NBN: variants seen among roughly 807,000 people sequenced by gnomAD.
NBN encodes the protein nibrin, also known as Nijmegen breakage syndrome 1 (nibrin).
In NBN, 88 loss-of-function variants were observed where a neutral mutation model predicts 90.8. That is an observed-to-expected ratio of 0.97 (90% CI 0.82 to 1.16). The LOEUF (loss-of-function observed/expected upper bound fraction) is 1.16. Among genes scored for constraint, NBN ranks in the 50% most tolerant of loss-of-function variants. NBN has a pLI of 0.00. For synonymous variants in NBN, 328 were observed against 295.1 expected (o/e 1.11, Z -1.14); for missense variants, 894 against 869.6 (o/e 1.03, Z -0.35).
intron 11 of NBN, among the ~76,000 whole-genome samples, chr8:89,951,365 GA>G: frequency 7.2e-6 from 1 of 139,380 alleles, no homozygotes; most frequent in Non-Finnish European, 1.6e-5. Context: ...GAAGACTAAA[GA>G]AAATAACATG....
At chr8:89,969,697 A>T (rs973777330) in intron 7 of NBN, among the ~76,000 whole-genome samples, 1 of 152,222 alleles carries the variant, frequency 6.6e-6, no homozygotes, top group African/African-American at 2.4e-5. Context: ...CACGCCTGTA[A>T]TCCCAGCACT....
chr8:89,967,248 T>C (rs1207967459), intron 7 of NBN, among the ~76,000 whole-genome samples: 2 of 152,204 alleles, frequency 1.3e-5, no homozygotes, highest in African/African-American at 2.4e-5. Context: ...TGTGTCAGTG[T>C]GCCCTGCAAT....
chr8:89,961,287 T>C (rs918864377), intron 8 of NBN, among the ~76,000 whole-genome samples: 3 of 152,220 alleles, frequency 2.0e-5, no homozygotes, highest in African/African-American at 7.2e-5. Context: ...ATAGCTTAGT[T>C]CAATTACGCA....
chr8:89,964,340 A>T, intron 8 of NBN, 70 bp downstream of exon 8: 2 of 1,522,740 alleles, frequency 1.3e-6, no homozygotes, highest in Non-Finnish European at 1.8e-6. Flanking sequence ...GTATATGAGT[A>T]ACGTATATTT....
intron 13 of NBN, 36 bp from the exon 14 acceptor site, chr8:89,943,402 T>C (rs1382140516): frequency 6.3e-7 from 1 of 1,580,102 alleles, no homozygotes. Context: ...TAAATCATAT[T>C]AACAAACAAA....
intron 2 of NBN, 167 bp downstream of exon 2, chr8:89,982,555 G>A: frequency 1.6e-6 from 1 of 643,528 alleles, no homozygotes; most frequent in South Asian, 1.9e-5. Context: ...AATACCACTG[G>A]TACCACTGCC....
intron 3 of NBN, 123 bp from the exon 4 acceptor site, chr8:89,981,016 C>G: frequency 1.2e-6 from 1 of 831,550 alleles, no homozygotes. Context: ...TTATTGTTAC[C>G]CTTTGTAACC....
At chr8:89,944,676 C>A (rs1810108447) in intron 13 of NBN, among the ~76,000 whole-genome samples, 1 of 152,194 alleles carries the variant, frequency 6.6e-6, no homozygotes, top group Non-Finnish European at 1.5e-5. Flanking sequence ...CTCCTGGGCT[C>A]AAATGATCCT....
intron 2 of NBN, chr8:89,982,470 C>T (rs958062494): frequency 1.5e-5 from 8 of 529,884 alleles, no homozygotes; most frequent in African/African-American, 1.3e-4. Context: ...ATAACTATGT[C>T]CTACTTCCTC....
In NBN at chr8:89,936,971, C is replaced by G; in HGVS notation, c.2234+55G>C. 6 of 1,411,352 alleles carry G rather than the reference C, an allele frequency of 4.3e-6. No homozygotes were observed. In the East Asian group the frequency reaches 1.4e-4, roughly 32 times the overall value. The allele number at this position is 1,411,352 out of a possible 1,614,324, so 87.4% of individuals were successfully genotyped here. A position where few individuals can be genotyped will look rare whatever the true frequency, so the allele number is the denominator to read the frequency against. On this transcript the variant is annotated intron_variant, in intron 15 of 15. Transcript: ENST00000265433. ...AAATTCTTAATTTCTATGAACAGAA[C>G]TAAATTTTATATACATCTCTCAAAG...
At chr8:89,983,347 G>A (rs532247552) in intron 1 of NBN, among the ~76,000 whole-genome samples, 1 of 152,024 alleles carries the variant, frequency 6.6e-6, no homozygotes, top group South Asian at 2.1e-4. Context: ...CAAGAGAACT[G>A]CTTGAACCCA....
intron 5 of NBN, among the ~76,000 whole-genome samples, chr8:89,971,773 C>A (rs374391294): frequency 2.0e-5 from 3 of 152,112 alleles, no homozygotes; most frequent in Non-Finnish European, 4.4e-5. Flanking sequence ...TTTAAACTTA[C>A]ATTATTTACT....
intron 2 of NBN, chr8:89,981,801 T>A: frequency 2.0e-6 from 1 of 501,324 alleles, no homozygotes; most frequent in Non-Finnish European, 3.4e-6. Context: ...CACACACATT[T>A]GAGAATTTTT....
chr8:89,934,607 C>G lies in NBN; in HGVS notation c.*975G>C, dbSNP rs1311353230. On this transcript the variant is annotated 3_prime_UTR_variant, in exon 16 of 16. Transcript: ENST00000265433. ...AAGTCATGGAAATATGGCCTCCATT[C>G]CTCACTGTTCCATTTCTCATTCTCT... The G allele has an allele frequency of 4.3e-6, 1 of 233,258 alleles. No homozygotes were observed. The highest frequency in any genetic ancestry group is 6.0e-5 in the East Asian group (1 of 16,578). 14.4% of individuals were successfully genotyped at this position (233,258 alleles called of 1,614,324 possible).
chr8:89,977,245 G>A (rs900971205), intron 5 of NBN, among the ~76,000 whole-genome samples: 10 of 149,154 alleles, frequency 6.7e-5, no homozygotes, highest in East Asian at 6.0e-4. Flanking sequence ...AACAGGCCCC[G>A]GTATGTGATG....
chr8:89,958,993 G>T, intron 8 of NBN, 139 bp from the exon 9 acceptor site: 2 of 1,137,522 alleles, frequency 1.8e-6, no homozygotes. Context: ...CCAATGAGTG[G>T]TACCAACAAA....
intron 10 of NBN, 98 bp downstream of exon 10, chr8:89,955,185 A>T: frequency 1.7e-6 from 2 of 1,211,036 alleles, no homozygotes; most frequent in Non-Finnish European, 2.4e-6. Flanking sequence ...GCAGAAGCAT[A>T]CTTAATCAGA....
At chr8:89,936,374 A>T (rs968454773) in intron 15 of NBN, among the ~76,000 whole-genome samples, 1 of 151,998 alleles carries the variant, frequency 6.6e-6, no homozygotes, top group Non-Finnish European at 1.5e-5. Flanking sequence ...CAACATTTTT[A>T]CCAGCAATTT....
chr8:89,936,220 G>A, intron 15 of NBN: 1 of 255,934 alleles, frequency 3.9e-6, no homozygotes, highest in Non-Finnish European at 7.7e-6. Context: ...GGGATTACAG[G>A]TGCATGCCAC....
Sources: gnomAD v4.1 joint callset for allele counts (sites outside exome capture counted in the v4.1 genomes callset) on GRCh38, gnomAD v4.1.1 for gene constraint, MANE v1.5 for transcripts, NCBI Gene and HGNC (gene_info 2026-07-23, HGNC 2026-07-21) for gene names.